PCDH15: variants seen among roughly 807,000 people sequenced by gnomAD.
PCDH15 encodes protocadherin related 15, also known as protocadherin-15.
Under a neutral mutation model 178.5 loss-of-function variants are expected in PCDH15, and 129 were observed. The observed-to-expected ratio is 0.72, with a 90% CI of 0.63 to 0.84. The LOEUF (loss-of-function observed/expected upper bound fraction) is 0.84, where lower values mean the gene tolerates loss of function less well. PCDH15 is among the 40% of genes least tolerant of loss of function. PCDH15 has a pLI of 0.00. For missense variants in PCDH15, 2,230 were observed against 2,099.9 expected, an observed-to-expected ratio of 1.06 and a Z score of -1.21; for synonymous variants, 800 against 732.0, an observed-to-expected ratio of 1.09 and a Z score of -1.50.
chr10:55,270,152 T>G (rs1842404496), intron 1 of PCDH15, among the ~76,000 whole-genome samples: 1 of 152,080 alleles, frequency 6.6e-6, no homozygotes, highest in Non-Finnish European at 1.5e-5. Flanking sequence ...ATAAAACATT[T>G]AAGTGCAAGG....
intron 2 of PCDH15, among the ~76,000 whole-genome samples, chr10:55,594,678 T>C (rs781234059): frequency 3.9e-5 from 6 of 152,016 alleles, no homozygotes; most frequent in Admixed American, 3.9e-4. Context: ...CAGTAAATTA[T>C]ACTGTATAAA....
chr10:55,601,986 T>C (rs1843092142), intron 2 of PCDH15, among the ~76,000 whole-genome samples: 4 of 152,052 alleles, frequency 2.6e-5, no homozygotes, highest in South Asian at 4.1e-4. Context: ...ACCAGGTTCA[T>C]CTCACTAGGG....
chr10:55,155,273 T>C (rs1413863103), intron 2 of PCDH15, among the ~76,000 whole-genome samples: 1 of 151,482 alleles, frequency 6.6e-6, no homozygotes, highest in Non-Finnish European at 1.5e-5. Context: ...TTTCTCTCTG[T>C]TTACTTTCTT....
intron 26 of PCDH15, among the ~76,000 whole-genome samples, chr10:53,897,053 C>A (rs893861210): frequency 5.3e-5 from 8 of 152,162 alleles, no homozygotes; most frequent in African/African-American, 1.9e-4. Context: ...TTGTTTTCCA[C>A]AAAACCAGGC....
intron 2 of PCDH15, among the ~76,000 whole-genome samples, chr10:55,562,032 A>ATTAAT (rs1842210535): frequency 6.6e-6 from 1 of 151,974 alleles, no homozygotes; most frequent in South Asian, 2.1e-4. Flanking sequence ...AATATAACAC[A>ATTAAT]TTAACCACAG....
intron 2 of PCDH15, among the ~76,000 whole-genome samples, chr10:55,106,848 G>A (rs1225766933): frequency 6.6e-6 from 1 of 152,072 alleles, no homozygotes; most frequent in Non-Finnish European, 1.5e-5. Flanking sequence ...GTCAGCTATG[G>A]ATATAGCTCA....
chr10:54,435,327 T>G (rs2183974), intron 3 of PCDH15, among the ~76,000 whole-genome samples: 5,910 of 152,290 alleles, frequency 0.039, 169 homozygotes, highest in African/African-American at 0.082. Context: ...CTAGGTTGAA[T>G]TCATTGTTTA....
rs1390558970 is a variant in PCDH15 at position 55,434,930 on chromosome 10, TTC to T, written c.-156+192693_-156+192694del. Among the ~76,000 whole-genome samples the T allele has an allele frequency of 3.9e-5, 6 of 152,254 alleles. No homozygotes were observed. The South Asian group carries it at 8.3e-4, about 21-fold the overall frequency. On this transcript the variant is annotated intron_variant, in intron 2 of 5. Transcript: ENST00000613346. Reference sequence around the variant, plus strand: ...ATGTTATAATATTTAAACTCAAAACTTCTAATAGTCAAAAATCTAATTTTAAG... The same window carrying T: ...ATGTTATAATATTTAAACTCAAAACTTAATAGTCAAAAATCTAATTTTAAG...
chr10:54,722,592 A>AG (rs201510221), intron 1 of PCDH15, among the ~76,000 whole-genome samples: 1,462 of 120,156 alleles, frequency 0.012, 23 homozygotes, highest in East Asian at 0.054. Flanking sequence ...AAAAAAAAAA[A>AG]AATGTCAAAT....
intron 2 of PCDH15, among the ~76,000 whole-genome samples, chr10:55,357,895 T>C (rs1347493864): frequency 6.6e-6 from 1 of 152,078 alleles, no homozygotes; most frequent in African/African-American, 2.4e-5. Flanking sequence ...AATTATATGA[T>C]AATCATTTAG....
At chr10:54,041,295 C>T (rs1318506047) in intron 18 of PCDH15, among the ~76,000 whole-genome samples, 2 of 151,986 alleles carry the variant, frequency 1.3e-5, no homozygotes, top group African/African-American at 4.8e-5. Flanking sequence ...CATAACATTA[C>T]AAAATAATTA....
chr10:55,194,037 A>T (rs1840015427), intron 1 of PCDH15, among the ~76,000 whole-genome samples: 1 of 152,086 alleles, frequency 6.6e-6, no homozygotes, highest in Non-Finnish European at 1.5e-5. Flanking sequence ...CACAAAACAC[A>T]CACACTCATA....
chr10:54,356,502 T>C (rs1187907917), intron 5 of PCDH15, among the ~76,000 whole-genome samples: 1 of 151,646 alleles, frequency 6.6e-6, no homozygotes, highest in African/African-American at 2.4e-5. Context: ...ACATATAGTA[T>C]ACATTATATA....
chr10:53,982,289 A>C (rs1179073713), intron 21 of PCDH15, among the ~76,000 whole-genome samples: 1 of 152,178 alleles, frequency 6.6e-6, no homozygotes, highest in Non-Finnish European at 1.5e-5. Flanking sequence ...AGAACTAGAA[A>C]TACCATTTGA....
At chr10:54,630,476 C>T (rs998956034) in intron 2 of PCDH15, among the ~76,000 whole-genome samples, 1 of 152,174 alleles carries the variant, frequency 6.6e-6, no homozygotes, top group African/African-American at 2.4e-5. Flanking sequence ...AAGAATGAAA[C>T]TGCACCCTTG....
chr10:55,030,157 A>T (rs1564732006), intron 2 of PCDH15, among the ~76,000 whole-genome samples: 1 of 152,170 alleles, frequency 6.6e-6, no homozygotes. Context: ...ATGAATACTC[A>T]TATGTAGGCA....
intron 15 of PCDH15, among the ~76,000 whole-genome samples, chr10:54,098,100 CA>C (rs897390986): frequency 1.3e-5 from 2 of 151,712 alleles, no homozygotes; most frequent in East Asian, 1.9e-4. Context: ...ACAAAACAAA[CA>C]AAAAAAGAAA....
intron 2 of PCDH15, among the ~76,000 whole-genome samples, chr10:55,381,345 A>T (rs1029716732): frequency 1.3e-5 from 2 of 152,110 alleles, no homozygotes; most frequent in African/African-American, 4.8e-5. Flanking sequence ...CCAAAAATAA[A>T]TGTGGTTTAC....
intron 1 of PCDH15, among the ~76,000 whole-genome samples, chr10:55,238,468 G>A (rs902646275): frequency 2.6e-5 from 4 of 151,850 alleles, no homozygotes; most frequent in Non-Finnish European, 2.9e-5. Context: ...ATTTTCTTAA[G>A]GACCATATCC....
Sources: gnomAD v4.1 joint callset for allele counts (sites outside exome capture counted in the v4.1 genomes callset) on GRCh38, gnomAD v4.1.1 for gene constraint, MANE v1.5 for transcripts, NCBI Gene and HGNC (gene_info 2026-07-23, HGNC 2026-07-21) for gene names.